Variants in GTF2F2 observed in about 807,000 individuals in gnomAD.
GTF2F2 encodes the protein ATP-dependent helicase GTF2F2.
A neutral mutation model predicts 42.2 loss-of-function variants in GTF2F2; 23 were observed. The ratio of observed to expected loss-of-function variants is 0.55; its 90% CI spans 0.39 to 0.77. GTF2F2 has a LOEUF of 0.77. GTF2F2 is among the 30% of genes least tolerant of loss of function. The pLI is 0.00. For synonymous variants in GTF2F2, 105 were observed against 100.8 expected (o/e 1.04, Z -0.25); for missense variants, 261 against 287.2 (o/e 0.91, Z 0.66).
At chr13:45,146,510 A>G (rs1593454009) in intron 2 of GTF2F2, among the ~76,000 whole-genome samples, 1 of 152,060 alleles carries the variant, frequency 6.6e-6, no homozygotes, top group African/African-American at 2.4e-5. Flanking sequence ...AAAAGAAAAC[A>G]AAACAAAACC....
intron 4 of GTF2F2, among the ~76,000 whole-genome samples, chr13:45,205,026 A>T (rs1873356682): frequency 6.6e-6 from 1 of 152,184 alleles, no homozygotes; most frequent in Non-Finnish European, 1.5e-5. Flanking sequence ...GATAGCACAA[A>T]CCTTTAACTG....
chr13:45,191,303 T>C (rs1872644637), intron 4 of GTF2F2, among the ~76,000 whole-genome samples: 1 of 145,098 alleles, frequency 6.9e-6, no homozygotes, highest in African/African-American at 2.6e-5. Context: ...CTGCATGGGG[T>C]AATTCCAAAT....
chr13:45,183,366 C>G (rs1435554965), intron 4 of GTF2F2, among the ~76,000 whole-genome samples: 1 of 152,120 alleles, frequency 6.6e-6, no homozygotes, highest in Non-Finnish European at 1.5e-5. Flanking sequence ...ATCAGCAGGC[C>G]TTTGCCATTG....
chr13:45,248,968 A>G (rs908144616), intron 5 of GTF2F2, among the ~76,000 whole-genome samples: 11 of 152,016 alleles, frequency 7.2e-5, no homozygotes, highest in Non-Finnish European at 1.5e-4. Flanking sequence ...TCAGCCTAAT[A>G]CCTCTGTGTA....
At chr13:45,211,683 G>A (rs1873650050) in intron 5 of GTF2F2, among the ~76,000 whole-genome samples, 1 of 151,776 alleles carries the variant, frequency 6.6e-6, no homozygotes, top group Admixed American at 6.6e-5. Context: ...CGCCTCCTGG[G>A]TTCAAATGAT....
At chr13:45,238,516 C>T (rs895149296) in intron 5 of GTF2F2, among the ~76,000 whole-genome samples, 1 of 152,146 alleles carries the variant, frequency 6.6e-6, no homozygotes, top group Non-Finnish European at 1.5e-5. Context: ...CCTTATGCCT[C>T]CCCTCCCTCT....
At chr13:45,124,429 G>C (rs950050949) in intron 1 of GTF2F2, among the ~76,000 whole-genome samples, 6 of 151,224 alleles carry the variant, frequency 4.0e-5, no homozygotes, top group African/African-American at 1.2e-4. Context: ...AGGCATGGTG[G>C]CTCATGCCTG....
chr13:45,279,909 C>T (rs539706531), intron 7 of GTF2F2, among the ~76,000 whole-genome samples: 3 of 151,658 alleles, frequency 2.0e-5, no homozygotes, highest in South Asian at 4.2e-4. Flanking sequence ...CTGTTCCCAC[C>T]GTCCCCCCGC....
intron 4 of GTF2F2, among the ~76,000 whole-genome samples, chr13:45,205,159 G>A (rs939525601): frequency 6.6e-6 from 1 of 152,160 alleles, no homozygotes; most frequent in Non-Finnish European, 1.5e-5. Flanking sequence ...CCTGAGACTG[G>A]GTAGTTTATA....
At chr13:45,217,208 G>T (rs777040178) in intron 5 of GTF2F2, among the ~76,000 whole-genome samples, 7 of 149,604 alleles carry the variant, frequency 4.7e-5, no homozygotes, top group African/African-American at 1.7e-4. Flanking sequence ...TTGAGGCAGA[G>T]AATTGCTTGA....
chr13:45,228,596 T>G (rs1477551232), intron 5 of GTF2F2, among the ~76,000 whole-genome samples: 1 of 151,662 alleles, frequency 6.6e-6, no homozygotes, highest in East Asian at 1.9e-4. Flanking sequence ...TCCTCATCCC[T>G]TGGGTATTGT....
Position 45,270,900 on chromosome 13 carries a change from A to G in GTF2F2, c.630+3524A>G, listed in dbSNP as rs1566157657. ...CTCCCTTTGAAACACCAAACTGCCA[A>G]TACCACTCTGAACTTCAACACTCTG... is the stretch of plus-strand genomic sequence containing the variant. On this transcript the variant is annotated intron_variant, in intron 7 of 7. Coordinates refer to ENST00000340473, the MANE Select transcript of GTF2F2 (RefSeq NM_004128.3). Among the ~76,000 whole-genome samples, 5 of 152,212 alleles carry G rather than the reference A, an allele frequency of 3.3e-5. No homozygotes were observed. The South Asian group carries it at 6.2e-4, about 19-fold the overall frequency.
intron 5 of GTF2F2, among the ~76,000 whole-genome samples, chr13:45,213,782 AT>A (rs1231823415): frequency 2.6e-5 from 4 of 151,942 alleles, no homozygotes; most frequent in Non-Finnish European, 4.4e-5. Flanking sequence ...TTTATTAATA[AT>A]TTTTTTATTT....
intron 1 of GTF2F2, among the ~76,000 whole-genome samples, chr13:45,133,766 C>T (rs1244882457): frequency 2.0e-5 from 3 of 152,164 alleles, no homozygotes; most frequent in East Asian, 1.9e-4. Context: ...GCCTCTGTAT[C>T]GCTGCATTCG....
intron 5 of GTF2F2, among the ~76,000 whole-genome samples, chr13:45,225,179 A>G (rs1874278507): frequency 6.6e-6 from 1 of 152,214 alleles, no homozygotes; most frequent in Non-Finnish European, 1.5e-5. Flanking sequence ...ATTTTGAGAA[A>G]TATATTCTGT....
intron 6 of GTF2F2, among the ~76,000 whole-genome samples, chr13:45,259,056 A>G (rs1876222348): frequency 6.6e-6 from 1 of 151,896 alleles, no homozygotes; most frequent in South Asian, 2.1e-4. Flanking sequence ...TTCTTCTCAT[A>G]AGGAATCATG....
At chr13:45,134,623 G>A (rs1022341658) in intron 1 of GTF2F2, among the ~76,000 whole-genome samples, 1 of 152,148 alleles carries the variant, frequency 6.6e-6, no homozygotes, top group African/African-American at 2.4e-5. Flanking sequence ...AATCCTCTAA[G>A]CTTGTTTGGA....
At chr13:45,216,337 G>C (rs558511189) in intron 5 of GTF2F2, among the ~76,000 whole-genome samples, 7 of 152,132 alleles carry the variant, frequency 4.6e-5, no homozygotes, top group Non-Finnish European at 7.4e-5. Context: ...GAGTGAAGGA[G>C]TTTTTTCAGT....
intron 1 of GTF2F2, among the ~76,000 whole-genome samples, chr13:45,134,079 T>C (rs1228565941): frequency 6.6e-6 from 1 of 152,248 alleles, no homozygotes; most frequent in Admixed American, 6.5e-5. Context: ...ATCCAGCAGA[T>C]AATGTTGTGG....
Sources: gnomAD v4.1 joint callset for allele counts (sites outside exome capture counted in the v4.1 genomes callset) on GRCh38, gnomAD v4.1.1 for gene constraint, MANE v1.5 for transcripts, NCBI Gene and HGNC (gene_info 2026-07-23, HGNC 2026-07-21) for gene names.